GAB2: variants seen among roughly 807,000 people sequenced by gnomAD.
GAB2 encodes GRB2-associated-binding protein 2.
GAB2 carries 26 observed loss-of-function variants against 65.5 expected under a neutral mutation model. The ratio of observed to expected loss-of-function variants is 0.40; its 90% CI spans 0.29 to 0.55. The LOEUF is 0.55. Ranked by LOEUF, GAB2 falls within the 20% of genes least tolerant of loss-of-function variation. GAB2 has a pLI of 0.53. For missense variants in GAB2, 884 were observed against 875.8 expected, an observed-to-expected ratio of 1.01 and a Z score of -0.12; for synonymous variants, 321 against 329.6, an observed-to-expected ratio of 0.97 and a Z score of 0.28.
chr11:78,283,450 G>T (rs1866383645), intron 1 of GAB2, among the ~76,000 whole-genome samples: 1 of 152,118 alleles, frequency 6.6e-6, no homozygotes. Flanking sequence ...TTAAAAGTTT[G>T]ACTTGATCCC....
At chr11:78,252,729 T>G (rs919158751) in intron 2 of GAB2, among the ~76,000 whole-genome samples, 5 of 152,114 alleles carry the variant, frequency 3.3e-5, no homozygotes, top group African/African-American at 1.2e-4. Flanking sequence ...CAGTTCTCTC[T>G]CCGGGACTCC....
At chr11:78,366,902 AC>A (rs1856505597) in intron 1 of GAB2, among the ~76,000 whole-genome samples, 1 of 151,928 alleles carries the variant, frequency 6.6e-6, no homozygotes, top group African/African-American at 2.4e-5. Context: ...TCACAAAGTT[AC>A]ATGAGAAATT....
chr11:78,289,497 C>T (rs56802133), intron 1 of GAB2, among the ~76,000 whole-genome samples: 4,201 of 152,220 alleles, frequency 0.028, 151 homozygotes, highest in African/African-American at 0.088. Context: ...AAAACAAACA[C>T]AAAATGTGTT....
At chr11:78,349,426 T>G (rs1325098829) in intron 1 of GAB2, among the ~76,000 whole-genome samples, 2 of 152,248 alleles carry the variant, frequency 1.3e-5, no homozygotes, top group African/African-American at 4.8e-5. Context: ...TTATCTCTAT[T>G]ACAGATGAGA....
Position 78,312,709 on chromosome 11 carries a change from G to A in GAB2, c.76-31808C>T, listed in dbSNP as rs143755689. Among the ~76,000 whole-genome samples the A allele has an allele frequency of 3.7e-3, 562 of 152,310 alleles. 4 individuals carry two copies. The highest frequency in any genetic ancestry group is 0.013 in the African/African-American group (541 of 41,572). ...CTCCCAAAGTGCTGGAATTACAGGC[G>A]TGAGCCACTGCGCCTGGCCTATTAT... is the stretch of plus-strand genomic sequence containing the variant. On this transcript the variant is annotated intron_variant, in intron 1 of 9. Transcript: ENST00000361507.
intron 1 of GAB2, among the ~76,000 whole-genome samples, chr11:78,323,372 T>C (rs1257535572): frequency 1.3e-5 from 2 of 152,130 alleles, no homozygotes; most frequent in East Asian, 3.9e-4. Flanking sequence ...TACCTGGGCA[T>C]GGTGACGTGT....
intron 1 of GAB2, among the ~76,000 whole-genome samples, chr11:78,378,973 C>A (rs1225742024): frequency 6.6e-6 from 1 of 152,144 alleles, no homozygotes; most frequent in African/African-American, 2.4e-5. Flanking sequence ...ATAGATGGAG[C>A]CAGCTTCCCC....
At chr11:78,223,097 C>G (rs573679085) in intron 6 of GAB2, among the ~76,000 whole-genome samples, 1 of 152,296 alleles carries the variant, frequency 6.6e-6, no homozygotes, top group Non-Finnish European at 1.5e-5. Context: ...TGAATCCTTG[C>G]CACTGATCCA....
In GAB2 at chr11:78,219,045, A is replaced by G; in HGVS notation, c.*227T>C. On this transcript the variant is annotated 3_prime_UTR_variant, in exon 10 of 10. Coordinates refer to ENST00000361507, the MANE Select transcript of GAB2 (RefSeq NM_080491.3). ...TAAGGTGGGTGGAGGCATGGCCATT[A>G]CTGATAAAAATCACAGCTGGGCCCC... is the stretch of plus-strand genomic sequence containing the variant. The G allele has an allele frequency of 1.9e-6, 1 of 535,924 alleles. No homozygotes were observed. Among genetic ancestry groups the G allele is most frequent in the Non-Finnish European group, 3.3e-6 (1 of 301,738 alleles). The allele number at this position is 535,924 out of a possible 1,614,324, so 33.2% of individuals were successfully genotyped here.
intron 1 of GAB2, among the ~76,000 whole-genome samples, chr11:78,281,466 A>T (rs1419957417): frequency 1.3e-5 from 2 of 152,090 alleles, no homozygotes; most frequent in Non-Finnish European, 2.9e-5. Flanking sequence ...GCGGGTCTCG[A>T]ACTCCCAACC....
chr11:78,318,164 T>C (rs1018718411), intron 1 of GAB2: 4 of 148,812 alleles, frequency 2.7e-5, no homozygotes, highest in African/African-American at 7.5e-5. Context: ...CATCAGAGAG[T>C]TGATAATTGA....
chr11:78,341,653 A>G (rs1336723534), intron 1 of GAB2: 2 of 457,082 alleles, frequency 4.4e-6, no homozygotes, highest in African/African-American at 4.2e-5. Flanking sequence ...CTTTGGTTAC[A>G]CCTAATGTCA....
chr11:78,411,595 C>T (rs572301910), intron 1 of GAB2, among the ~76,000 whole-genome samples: 127 of 152,250 alleles, frequency 8.3e-4, no homozygotes, highest in African/African-American at 3.0e-3. Flanking sequence ...AAAAGCAATT[C>T]AATGGAAGTA....
chr11:78,386,514 A>G (rs1856769287), intron 1 of GAB2, among the ~76,000 whole-genome samples: 1 of 152,202 alleles, frequency 6.6e-6, no homozygotes, highest in Admixed American at 6.5e-5. Flanking sequence ...TCTGACTTTC[A>G]TTATGTGCAC....
intron 1 of GAB2, among the ~76,000 whole-genome samples, chr11:78,370,712 C>CCTGTGTGTATGT (rs58668713): frequency 8.1e-5 from 10 of 123,220 alleles, no homozygotes; most frequent in African/African-American, 2.0e-4. Context: ...TGTGTGTGTG[C>CCTGTGTGTATGT]GTGTGTGTGT....
rs1857220430 is a variant in GAB2, at chr11:78,417,759, A to AGGGCGC, written c.-45_-40dup. 4 of 1,126,512 alleles carry AGGGCGC rather than the reference A, an allele frequency of 3.6e-6. No homozygotes were observed. The highest frequency in any genetic ancestry group is 4.2e-5 in the Admixed American group (1 of 23,708). 69.8% of individuals were successfully genotyped at this position (1,126,512 alleles called of 1,614,324 possible). ...AGCCCCCCGCCGGGTCGCGCGGACG[A>AGGGCGC]GGGCGCGGGCTCGGGCAGCTGGGGC... On this transcript the variant is annotated 5_prime_UTR_variant, in exon 1 of 10. Transcript: ENST00000361507.
At chr11:78,398,255 AG>A (rs1458774761) in intron 1 of GAB2, among the ~76,000 whole-genome samples, 2 of 152,224 alleles carry the variant, frequency 1.3e-5, no homozygotes, top group Non-Finnish European at 2.9e-5. Flanking sequence ...CTGTGGTAAT[AG>A]TTAATGACAC....
At chr11:78,268,637 C>A (rs558395076) in intron 2 of GAB2, among the ~76,000 whole-genome samples, 1 of 150,348 alleles carries the variant, frequency 6.7e-6, no homozygotes, top group South Asian at 2.1e-4. Flanking sequence ...GGAGTTGGGA[C>A]GAGATGCTCC....
intron 1 of GAB2, among the ~76,000 whole-genome samples, chr11:78,283,234 C>T (rs1013308503): frequency 2.0e-5 from 3 of 152,214 alleles, no homozygotes; most frequent in Admixed American, 6.5e-5. Context: ...TCCATGACTA[C>T]ATTTACCATC....
Sources: allele counts gnomAD v4.1 joint callset (sites outside exome capture counted in the v4.1 genomes callset), GRCh38; gene constraint gnomAD v4.1.1; transcripts MANE v1.5; gene names NCBI Gene and HGNC (gene_info 2026-07-23, HGNC 2026-07-21).